The following GALNT18 variants were observed in gnomAD, a reference collection of about 807,000 sequenced individuals.
GALNT18 encodes GalNAc-transferase 18.
A neutral mutation model predicts 69.5 loss-of-function variants in GALNT18; 44 were observed. That is an observed-to-expected ratio of 0.63 (90% CI 0.50 to 0.81). The LOEUF is 0.81. GALNT18 is among the 40% of genes least tolerant of loss of function. The probability of loss-of-function intolerance (pLI) is 0.00; values close to 1 mark genes in which losing one functional copy is unlikely to be tolerated. For synonymous variants in GALNT18, 364 were observed against 318.2 expected (o/e 1.14, Z -1.53); for missense variants, 715 against 810.0 (o/e 0.88, Z 1.42).
At chr11:11,427,145 A>G (rs941561977) in intron 3 of GALNT18, among the ~76,000 whole-genome samples, 9 of 152,352 alleles carry the variant, frequency 5.9e-5, no homozygotes, top group African/African-American at 1.9e-4. Flanking sequence ...GAGTGACAGC[A>G]TGATAGATCG....
chr11:11,457,597 A>G (rs867675973), intron 1 of GALNT18, among the ~76,000 whole-genome samples: 13 of 152,214 alleles, frequency 8.5e-5, no homozygotes, highest in African/African-American at 3.1e-4. Flanking sequence ...GGTCAGACAG[A>G]GCCACCCAGA....
intron 9 of GALNT18, among the ~76,000 whole-genome samples, chr11:11,326,220 A>AT (rs1447883551): frequency 6.6e-6 from 1 of 151,676 alleles, no homozygotes; most frequent in Non-Finnish European, 1.5e-5. Flanking sequence ...AATTTTTTGT[A>AT]TTTTTAGTAG....
intron 9 of GALNT18, among the ~76,000 whole-genome samples, chr11:11,305,138 C>A (rs572294371): frequency 6.6e-6 from 1 of 151,674 alleles, no homozygotes; most frequent in African/African-American, 2.4e-5. Flanking sequence ...AACGAAGAGA[C>A]GGTTGGTGAA....
chr11:11,377,181 C>T lies in GALNT18; in HGVS notation c.977+1G>A, dbSNP rs1338574624. The stretch of plus-strand genomic sequence containing the variant: ...GACCCACAGGTAAAGGTTTGCTTTA[C>T]CTGATTGGCGCTGTGGAGTTCTCCA... On this transcript the variant is annotated splice_donor_variant, in intron 5 of 10. Transcript: ENST00000227756. LOFTEE classifies it high-confidence loss of function. The surrounding 1 kb of genome is among the most constrained non-coding windows in gnomAD (Gnocchi z 4.6). The T allele has an allele frequency of 1.2e-6, 2 of 1,612,672 alleles. No homozygotes were observed. The highest frequency in any genetic ancestry group is 1.7e-6 in the Non-Finnish European group (2 of 1,179,960).
rs1850163600 is a variant in GALNT18, at chr11:11,339,407, TG to T, written c.1278+1411del. ...GAGAGGGCTAGAAGTTTTGCAGCTC[TG>T]GGGTACAGAGAGAAGGCAGTAAGAG... is the stretch of plus-strand genomic sequence containing the variant. On this transcript the variant is annotated intron_variant, in intron 7 of 10. Transcript: ENST00000227756. This position sits in a 1 kb window ranked among gnomAD's most constrained non-coding sequence, Gnocchi z 5.2. 6.6e-6 allele frequency among the ~76,000 whole-genome samples: 1 copy of T among 152,162 alleles called. No individual in the cohort carries two copies. Among genetic ancestry groups the T allele is most frequent in the Non-Finnish European group, 1.5e-5 (1 of 68,030 alleles).
rs528784565 is a variant in GALNT18 at position 11,317,347 on chromosome 11, G to T, written c.1512+9739C>A. 5.9e-5 allele frequency among the ~76,000 whole-genome samples: 9 copies of T among 152,304 alleles called. No homozygotes were observed. In the South Asian group the frequency reaches 1.7e-3, roughly 28 times the overall value. On this transcript the variant is annotated intron_variant, in intron 9 of 10. Transcript: ENST00000227756. ...TTTGTCCAGCCCAAGCTGTCTTTGG[G>T]TCTCCAATATTTCTGGGCCCCACTG... is the stretch of plus-strand genomic sequence containing the variant.
chr11:11,443,926 C>G (rs899160546), intron 2 of GALNT18, among the ~76,000 whole-genome samples: 1 of 152,228 alleles, frequency 6.6e-6, no homozygotes, highest in Admixed American at 6.5e-5. Flanking sequence ...TTGGTCCCCT[C>G]TTTGTGCAGA....
chr11:11,337,803 C>T lies in GALNT18; in HGVS notation c.1278+3016G>A, dbSNP rs76385177. ...TGGGCAGTTCCCATAGTCCACGCAA[C>T]GTATGCAGACTTCAAAACAGGGAGT... is the stretch of plus-strand genomic sequence containing the variant. On this transcript the variant is annotated intron_variant, in intron 7 of 10. Transcript: ENST00000227756. The surrounding 1 kb of genome is among the most constrained non-coding windows in gnomAD (Gnocchi z 4.9). Among the ~76,000 whole-genome samples the T allele has an allele frequency of 7.2e-5, 11 of 152,062 alleles. No homozygotes were observed. The East Asian group carries it at 1.6e-3, about 21-fold the overall frequency.
intron 1 of GALNT18, among the ~76,000 whole-genome samples, chr11:11,588,679 C>T (rs1208417973): frequency 6.6e-6 from 1 of 152,220 alleles, no homozygotes; most frequent in Non-Finnish European, 1.5e-5. Context: ...AGCTCTGTTT[C>T]CTCTATCCAT....
Position 11,461,214 on chromosome 11 carries a change from T to C in GALNT18, c.236-12278A>G, listed in dbSNP as rs1165342278. The stretch of plus-strand genomic sequence containing the variant: ...TGGCACTGCTGGGTCTTTCCTCCCC[T>C]GCAAGGGGGACTTCTGGGCCTGGGT... On this transcript the variant is annotated intron_variant, in intron 1 of 10. Transcript: ENST00000227756. This position sits in a 1 kb window ranked among gnomAD's most constrained non-coding sequence, Gnocchi z 4.1. Among the ~76,000 whole-genome samples the C allele has an allele frequency of 6.6e-6, 1 of 152,168 alleles. No homozygotes were observed. The highest frequency in any genetic ancestry group is 6.5e-5 in the Admixed American group (1 of 15,280).
At chr11:11,365,099 T>C (rs1019060809) in intron 6 of GALNT18, among the ~76,000 whole-genome samples, 9 of 152,178 alleles carry the variant, frequency 5.9e-5, no homozygotes, top group Non-Finnish European at 1.3e-4. Context: ...ACATGTGCCA[T>C]GGTGGTTTGC....
At chr11:11,438,610 T>C (rs1855463436) in intron 2 of GALNT18, among the ~76,000 whole-genome samples, 1 of 152,216 alleles carries the variant, frequency 6.6e-6, no homozygotes, top group Non-Finnish European at 1.5e-5. Flanking sequence ...CCTGGGCTCA[T>C]TTGATTCCAA....
rs557356747 is a variant in GALNT18 at position 11,318,293 on chromosome 11, T to C, written c.1512+8793A>G. On this transcript the variant is annotated intron_variant, in intron 9 of 10. Transcript: ENST00000227756. The surrounding 1 kb of genome is among the most constrained non-coding windows in gnomAD (Gnocchi z 5.1). ...CTCATAATGTAATCTTATTTGGAAATAGAGTCATTGCAGATATAATTAAAT... is the reference window on the plus strand; with the variant it reads ...CTCATAATGTAATCTTATTTGGAAACAGAGTCATTGCAGATATAATTAAAT... Among the ~76,000 whole-genome samples, 22 of 152,298 alleles carry C rather than the reference T, an allele frequency of 1.4e-4. No homozygotes were observed. The highest frequency in any genetic ancestry group is 2.8e-4 in the Non-Finnish European group (19 of 68,034).
rs80256465 is a variant in GALNT18, at chr11:11,433,765, C to T, written c.429-978G>A. ...GCAGGAGACCACTGCTGGTGCCCTT[C>T]CCTGCCTGATACTAAATGCTGTTCT... On this transcript the variant is annotated intron_variant, in intron 2 of 10. Coordinates refer to ENST00000227756, the MANE Select transcript of GALNT18 (RefSeq NM_198516.3). Among the ~76,000 whole-genome samples, 97 of 152,316 alleles carry T rather than the reference C, an allele frequency of 6.4e-4. 2 individuals carry two copies. The East Asian group carries it at 0.018, about 29-fold the overall frequency.
Position 11,377,561 on chromosome 11 carries a change from T to C in GALNT18, c.780-182A>G, listed in dbSNP as rs907056110. 5.9e-5 allele frequency among the ~76,000 whole-genome samples: 9 copies of C among 152,056 alleles called. No individual in the cohort carries two copies. Among genetic ancestry groups the C allele is most frequent in the African/African-American group, 2.2e-4 (9 of 41,392 alleles). The stretch of plus-strand genomic sequence containing the variant: ...TATTCAACTTCCCGCTCCCTGAGGA[T>C]TGCCGGAATGGCAAGAGGCTGCACC... On this transcript the variant is annotated intron_variant, in intron 4 of 10. Transcript: ENST00000227756. This position sits in a 1 kb window ranked among gnomAD's most constrained non-coding sequence, Gnocchi z 4.6.
At chr11:11,330,686 G>C (rs146581947) in intron 8 of GALNT18, among the ~76,000 whole-genome samples, 65 of 152,354 alleles carry the variant, frequency 4.3e-4, no homozygotes, top group African/African-American at 1.5e-3. Flanking sequence ...TCACAACCCT[G>C]TATTTGCCAC....
chr11:11,561,333 AACACT>A (rs1858499980), intron 1 of GALNT18, among the ~76,000 whole-genome samples: 1 of 147,808 alleles, frequency 6.8e-6, no homozygotes, highest in African/African-American at 2.5e-5. Flanking sequence ...ACAGAAAACC[AACACT>A]TCTCCAAATG....
chr11:11,621,332 C>A lies in GALNT18; in HGVS notation c.235+27G>T. ...GCGGGGCACTCCCGGGCCTCATGGGCGACCCAAGTTTCCGGGGCGCCCGTA... is the reference window on the plus strand; with the variant it reads ...GCGGGGCACTCCCGGGCCTCATGGGAGACCCAAGTTTCCGGGGCGCCCGTA... On this transcript the variant is annotated intron_variant, in intron 1 of 10. Transcript: ENST00000227756. The surrounding 1 kb of genome is among the most constrained non-coding windows in gnomAD (Gnocchi z 9.3). The A allele has an allele frequency of 6.3e-7, 1 of 1,599,388 alleles. No homozygotes were observed. Among genetic ancestry groups the A allele is most frequent in the South Asian group, 1.1e-5 (1 of 90,568 alleles).
Position 11,542,318 on chromosome 11 carries a change from T to C in GALNT18, c.235+79041A>G, listed in dbSNP as rs113107771. 4.5e-3 allele frequency among the ~76,000 whole-genome samples: 691 copies of C among 152,292 alleles called. 6 individuals are homozygous for C. The highest frequency in any genetic ancestry group is 0.016 in the African/African-American group (663 of 41,550). ...TCTCCCTACCAGATAGAGCAAGCCA[T>C]GGACAGACGCCTCCATGCTACCATA... On this transcript the variant is annotated intron_variant, in intron 1 of 10. Coordinates refer to ENST00000227756, the MANE Select transcript of GALNT18 (RefSeq NM_198516.3). The surrounding 1 kb of genome is among the most constrained non-coding windows in gnomAD (Gnocchi z 4.3).
Sources: allele counts gnomAD v4.1 joint callset (sites outside exome capture counted in the v4.1 genomes callset), GRCh38; gene constraint gnomAD v4.1.1; non-coding constraint Gnocchi (gnomAD v3.1); transcripts MANE v1.5; gene names NCBI Gene and HGNC (gene_info 2026-07-23, HGNC 2026-07-21).